Variants in XKR9 observed in about 807,000 individuals in gnomAD.
The protein encoded by XKR9 is XK related 9.
XKR9 carries 32 observed loss-of-function variants against 32.0 expected under a neutral mutation model. The ratio of observed to expected loss-of-function variants is 1.00; its 90% confidence interval spans 0.76 to 1.34. The LOEUF (loss-of-function observed/expected upper bound fraction) is 1.34. Among genes scored for constraint, XKR9 ranks in the 40% most tolerant of loss-of-function variants. XKR9 has a pLI of 0.00. For synonymous variants in XKR9, 168 were observed against 143.4 expected (o/e 1.17, Z -1.22); for missense variants, 546 against 429.7 (o/e 1.27, Z -2.39).
At chr8:70,807,971 T>C in the XKR9 span, among the ~76,000 whole-genome samples, 1 of 152,172 alleles carries the variant, frequency 6.6e-6, no homozygotes, top group South Asian at 2.1e-4. Context: ...TTCTTCTCAG[T>C]GCTACATGGC....
At chr8:70,761,933 A>G (rs1322697168) in intron 2 of XKR9, among the ~76,000 whole-genome samples, 1 of 151,928 alleles carries the variant, frequency 6.6e-6, no homozygotes, top group African/African-American at 2.4e-5. Context: ...CAGTTCTCCC[A>G]GCACCATTTA....
the XKR9 span, among the ~76,000 whole-genome samples, chr8:70,829,632 T>C: frequency 6.6e-6 from 1 of 152,186 alleles, no homozygotes; most frequent in Non-Finnish European, 1.5e-5. Context: ...GTATTTTTAG[T>C]AGAGACGGGG....
At chr8:70,804,808 T>G in the XKR9 span, among the ~76,000 whole-genome samples, 1 of 152,218 alleles carries the variant, frequency 6.6e-6, no homozygotes, top group African/African-American at 2.4e-5. Context: ...TGTCTTTACT[T>G]CATGGACTCA....
chr8:70,918,157 G>A, the XKR9 span, among the ~76,000 whole-genome samples: 1 of 152,180 alleles, frequency 6.6e-6, no homozygotes, highest in Non-Finnish European at 1.5e-5. Context: ...TTTTCTTGTG[G>A]ATTTAGTTGT....
the XKR9 span, among the ~76,000 whole-genome samples, chr8:70,996,091 G>A: frequency 6.6e-6 from 1 of 152,022 alleles, no homozygotes; most frequent in African/African-American, 2.4e-5. Flanking sequence ...TAATTTGCTG[G>A]GGCCCTGTAA....
intron 4 of XKR9, among the ~76,000 whole-genome samples, chr8:70,730,888 G>A (rs114678521): frequency 0.01 from 1,593 of 152,262 alleles, 27 homozygotes; most frequent in African/African-American, 0.036. Flanking sequence ...TAATTTTAGG[G>A]CTATGATATG....
the XKR9 span, among the ~76,000 whole-genome samples, chr8:71,045,328 G>A: frequency 2.9e-4 from 44 of 152,158 alleles, no homozygotes; most frequent in South Asian, 8.3e-4. Flanking sequence ...GAAAGAGTGA[G>A]TCATCCTCAG....
the XKR9 span, among the ~76,000 whole-genome samples, chr8:70,846,369 C>T: frequency 6.6e-6 from 1 of 151,798 alleles, no homozygotes; most frequent in South Asian, 2.1e-4. Context: ...AAATATAAAA[C>T]ACAAGGCTAG....
chr8:70,980,304 ACCTCAGT>A, the XKR9 span, among the ~76,000 whole-genome samples: 1 of 152,080 alleles, frequency 6.6e-6, no homozygotes, highest in Non-Finnish European at 1.5e-5. Flanking sequence ...TGAACCAGAT[ACCTCAGT>A]TGGAAATACA....
At chr8:70,865,057 G>A in the XKR9 span, among the ~76,000 whole-genome samples, 4 of 152,246 alleles carry the variant, frequency 2.6e-5, no homozygotes, top group African/African-American at 9.6e-5. Context: ...TTACAAGAGA[G>A]TTGTTATATA....
chr8:70,793,960 G>A (rs747622439), downstream of XKR9, among the ~76,000 whole-genome samples: 6 of 151,980 alleles, frequency 3.9e-5, no homozygotes, highest in Non-Finnish European at 5.9e-5. Context: ...AACAATTTAA[G>A]TCTTCAAATC....
At chr8:70,963,430 G>A in the XKR9 span, among the ~76,000 whole-genome samples, 1 of 152,134 alleles carries the variant, frequency 6.6e-6, no homozygotes, top group East Asian at 1.9e-4. Context: ...ATGAGCATAT[G>A]CATGCCAGTA....
Position 70,734,566 on chromosome 8 carries a change from T to C in XKR9, c.*142T>C, listed in dbSNP as rs961470396. 9.2e-7 allele frequency: 1 copy of C among 1,088,670 alleles called. No homozygotes were observed. The highest frequency in any genetic ancestry group is 1.2e-6 in the Non-Finnish European group (1 of 848,618). The allele number at this position is 1,088,670 out of a possible 1,614,324, so 67.4% of individuals were successfully genotyped here. On this transcript the variant is annotated 3_prime_UTR_variant, in exon 5 of 5. Coordinates refer to ENST00000408926, the MANE Select transcript of XKR9 (RefSeq NM_001011720.2). ...CAGTGAAATAGGAGATACATAGTAG[T>C]ATTTTATTTTTAAAATTAATTTCTC... is the stretch of plus-strand genomic sequence containing the variant.
the XKR9 span, among the ~76,000 whole-genome samples, chr8:71,001,190 T>C: frequency 6.6e-6 from 1 of 152,204 alleles, no homozygotes; most frequent in African/African-American, 2.4e-5. Flanking sequence ...GATGACATGG[T>C]GCAGCCAGTG....
At chr8:70,822,800 A>C in the XKR9 span, among the ~76,000 whole-genome samples, 1 of 152,034 alleles carries the variant, frequency 6.6e-6, no homozygotes, top group South Asian at 2.1e-4. Context: ...CTCTCCCCCT[A>C]CTGAGACGGC....
At chr8:70,855,607 G>C in the XKR9 span, among the ~76,000 whole-genome samples, 1 of 152,206 alleles carries the variant, frequency 6.6e-6, no homozygotes, top group Non-Finnish European at 1.5e-5. Context: ...CCAACGTTCA[G>C]ATTCAGGAAA....
At chr8:71,032,153 G>A in the XKR9 span, among the ~76,000 whole-genome samples, 7 of 151,896 alleles carry the variant, frequency 4.6e-5, no homozygotes, top group African/African-American at 1.2e-4. Context: ...AATTGGTGGC[G>A]TGTGCCTGTA....
intron 4 of XKR9, among the ~76,000 whole-genome samples, chr8:70,712,649 T>C (rs1805957857): frequency 6.6e-6 from 1 of 152,108 alleles, no homozygotes; most frequent in South Asian, 2.1e-4. Context: ...AAAAACGTCC[T>C]TGAGAAGGTG....
intron 3 of XKR9, among the ~76,000 whole-genome samples, chr8:70,691,317 T>C (rs767140914): frequency 1.2e-4 from 18 of 152,236 alleles, no homozygotes; most frequent in Non-Finnish European, 2.6e-4. Flanking sequence ...ATTAGACCTT[T>C]GTCACATGCA....
Sources: allele counts gnomAD v4.1 joint callset (sites outside exome capture counted in the v4.1 genomes callset), GRCh38; gene constraint gnomAD v4.1.1; transcripts MANE v1.5; gene names NCBI Gene and HGNC (gene_info 2026-07-23, HGNC 2026-07-21).